The following NCOA2 variants were observed in gnomAD, a reference collection of about 807,000 sequenced individuals.
NCOA2 encodes nuclear receptor coactivator 2.
In NCOA2, 21 loss-of-function variants were observed where a neutral mutation model predicts 145.1. That is an observed-to-expected ratio of 0.14 (90% CI 0.10 to 0.21). NCOA2 has a LOEUF of 0.21. Ranked by LOEUF, NCOA2 falls within the 10% of genes least tolerant of loss-of-function variation. The probability of loss-of-function intolerance (pLI) is 1.00; values close to 1 mark genes in which losing one functional copy is unlikely to be tolerated. For missense variants in NCOA2, 1,472 were observed against 1,837.6 expected (o/e 0.80, Z 3.64); for synonymous variants, 619 against 637.5 (o/e 0.97, Z 0.44).
intron 4 of NCOA2, among the ~76,000 whole-genome samples, chr8:70,194,475 T>C (rs1021302095): frequency 2.6e-5 from 4 of 152,266 alleles, no homozygotes; most frequent in Non-Finnish European, 2.9e-5. Context: ...ATCTAGAGGT[T>C]ACATCGCACA....
intron 1 of NCOA2, among the ~76,000 whole-genome samples, chr8:70,394,565 A>C (rs1296273483): frequency 6.6e-6 from 1 of 152,264 alleles, no homozygotes; most frequent in East Asian, 1.9e-4. Context: ...ACACCACACA[A>C]AATAAGTCTC....
At chr8:70,342,450 G>GTTC (rs1808220074) in intron 1 of NCOA2, among the ~76,000 whole-genome samples, 1 of 151,958 alleles carries the variant, frequency 6.6e-6, no homozygotes. Flanking sequence ...ATTGCCTTTT[G>GTTC]TTCCCTCTAA....
chr8:70,172,227 C>T (rs2132681919), intron 5 of NCOA2, among the ~76,000 whole-genome samples: 1 of 152,278 alleles, frequency 6.6e-6, no homozygotes, highest in Admixed American at 6.5e-5. Flanking sequence ...TCCCAAAGTG[C>T]TGGGATTATA....
At chr8:70,404,005 A>G (rs1586702060), upstream of NCOA2, among the ~76,000 whole-genome samples, 2 of 152,110 alleles carry the variant, frequency 1.3e-5, no homozygotes, top group Admixed American at 6.5e-5. Context: ...TCACCGGGAA[A>G]AGGACGGGGC....
chr8:70,138,203 C>T lies in NCOA2; in HGVS notation c.3158G>A (p.Arg1053Lys). 1 of 1,612,066 alleles carries T rather than the reference C, an allele frequency of 6.2e-7. No homozygotes were observed. Among genetic ancestry groups the T allele is most frequent in the Non-Finnish European group, 8.5e-7 (1 of 1,179,366 alleles). ...GCTACCCTAGGTGCTCAGGACTCAC[C>T]TGTTTTGGCTGGCAAAAGACGCCTG... ...IDQASFASQN[R>K]QPFGSSPDDL... Residue 1053 changes from arginine to lysine, a missense_variant and splice_region_variant, in exon 15 of 23, where the codon AGG becomes AAG. Around this residue, in one of 4 missense-constraint regions of NCOA2, gnomAD observed 953 missense variants for 1,062.1 expected, o/e 0.90. Transcript: ENST00000452400.
chr8:70,198,225 T>A (rs557122658), intron 4 of NCOA2, among the ~76,000 whole-genome samples: 78 of 152,232 alleles, frequency 5.1e-4, no homozygotes, highest in African/African-American at 1.9e-3. Flanking sequence ...TAATAGGGAG[T>A]TTTTTGTGTT....
chr8:70,400,476 T>G (rs973959486), intron 1 of NCOA2, among the ~76,000 whole-genome samples: 1 of 151,960 alleles, frequency 6.6e-6, no homozygotes, highest in African/African-American at 2.4e-5. Context: ...TTGCAAAGAA[T>G]TAAGTAAAAT....
At chr8:70,204,115 C>A (rs1375129147) in intron 4 of NCOA2, among the ~76,000 whole-genome samples, 1 of 151,950 alleles carries the variant, frequency 6.6e-6, no homozygotes, top group African/African-American at 2.4e-5. Context: ...TCAAGCGATT[C>A]TTCTGCCTCA....
chr8:70,172,631 G>A (rs1016470314), intron 5 of NCOA2, among the ~76,000 whole-genome samples: 2 of 152,204 alleles, frequency 1.3e-5, no homozygotes, highest in African/African-American at 4.8e-5. Flanking sequence ...TGAGAACTGT[G>A]TGCAAGTGTG....
At chr8:70,414,977 T>G in the NCOA2 span, among the ~76,000 whole-genome samples, 325 of 152,264 alleles carry the variant, frequency 2.1e-3, 1 homozygote, top group African/African-American at 6.8e-3. Context: ...ATTTATTAAT[T>G]CAGTGAAAAT....
intron 1 of NCOA2, among the ~76,000 whole-genome samples, chr8:70,360,690 C>T (rs1810119351): frequency 6.6e-6 from 1 of 152,112 alleles, no homozygotes; most frequent in Non-Finnish European, 1.5e-5. Flanking sequence ...GTAATCCCAG[C>T]ACTTTGGGAG....
At chr8:70,290,041 T>C (rs902486712) in intron 2 of NCOA2, among the ~76,000 whole-genome samples, 2 of 151,670 alleles carry the variant, frequency 1.3e-5, no homozygotes, top group African/African-American at 4.9e-5. Context: ...TCTTTAATCT[T>C]TGTAGATGAG....
At chr8:70,327,341 T>C (rs939570219) in intron 1 of NCOA2, among the ~76,000 whole-genome samples, 6 of 152,186 alleles carry the variant, frequency 3.9e-5, no homozygotes, top group African/African-American at 1.2e-4. Flanking sequence ...TGCACATAAA[T>C]GCATGCCTAC....
intron 1 of NCOA2, among the ~76,000 whole-genome samples, chr8:70,397,425 C>A (rs570749279): frequency 1.3e-4 from 20 of 149,562 alleles, no homozygotes; most frequent in African/African-American, 4.7e-4. Context: ...TGCACTCCAA[C>A]CTGGGTAACA....
At chr8:70,268,272 T>C (rs1824771818) in intron 2 of NCOA2, among the ~76,000 whole-genome samples, 1 of 152,232 alleles carries the variant, frequency 6.6e-6, no homozygotes, top group Admixed American at 6.5e-5. Context: ...CTGTTTCAGC[T>C]ACTTGAGAAG....
chr8:70,194,631 T>A (rs1173571685), intron 4 of NCOA2, among the ~76,000 whole-genome samples: 4 of 152,082 alleles, frequency 2.6e-5, no homozygotes, highest in African/African-American at 9.7e-5. Flanking sequence ...GAAGTCTTTT[T>A]TGGTCTAGAG....
Position 70,121,311 on chromosome 8 carries a change from G to A in NCOA2, c.4374C>T (p.Asp1458=), listed in dbSNP as rs939702207. 4 of 1,612,186 alleles carry A rather than the reference G, an allele frequency of 2.5e-6. No homozygotes were observed. Among genetic ancestry groups the A allele is most frequent in the Non-Finnish European group, 2.5e-6 (3 of 1,179,066 alleles). Reference sequence around the variant, plus strand: ...CACTGTTCTTTCTTACCCGTGTTGTGTCTCCCTCCTGCTTAATCATATCCA... The same window carrying A: ...CACTGTTCTTTCTTACCCGTGTTGTATCTCCCTCCTGCTTAATCATATCCA... ...PGMDMIKQEG[D]TTRKYC is the part of the protein sequence containing the mutation. Residue 1458 remains aspartate (D), a synonymous_variant, in exon 22 of 23, where the codon GAC becomes GAT. Coordinates refer to ENST00000452400, the MANE Select transcript of NCOA2 (RefSeq NM_006540.4).
the NCOA2 span, among the ~76,000 whole-genome samples, chr8:70,423,776 C>G: frequency 6.6e-6 from 1 of 152,102 alleles, no homozygotes; most frequent in African/African-American, 2.4e-5. Flanking sequence ...AAGTGGGGTA[C>G]CAGGGTAAAA....
chr8:70,444,791 T>C, the NCOA2 span, among the ~76,000 whole-genome samples: 5 of 152,242 alleles, frequency 3.3e-5, no homozygotes, highest in African/African-American at 1.2e-4. Context: ...AAGCTTTCTT[T>C]GTGTGTATAA....
Sources: gnomAD v4.1 joint callset for allele counts (sites outside exome capture counted in the v4.1 genomes callset) on GRCh38, gnomAD v4.1.1 for gene constraint, gnomAD v4.1.1 regional missense constraint, MANE v1.5 for transcripts, NCBI Gene and HGNC (gene_info 2026-07-23, HGNC 2026-07-21) for gene names.